Variants in TRDN observed in about 807,000 individuals in gnomAD.
TRDN encodes triadin in skeletal muscle.
Under a neutral mutation model 149.7 loss-of-function variants are expected in TRDN, and 161 were observed. The ratio of observed to expected loss-of-function variants is 1.08; its 90% CI spans 0.95 to 1.23. The LOEUF (loss-of-function observed/expected upper bound fraction) is 1.23. TRDN is among the 50% of genes most tolerant of loss of function. The probability of loss-of-function intolerance (pLI) is 0.00; values close to 1 mark genes in which losing one functional copy is unlikely to be tolerated. For synonymous variants in TRDN, 294 were observed against 250.5 expected (o/e 1.17, Z -1.64); for missense variants, 896 against 823.5 (o/e 1.09, Z -1.08).
chr6:123,538,208 C>A (rs996153299), intron 4 of TRDN, among the ~76,000 whole-genome samples: 3 of 152,082 alleles, frequency 2.0e-5, no homozygotes, highest in Non-Finnish European at 4.4e-5. Flanking sequence ...TGCCTTCTTA[C>A]ATTATTTCCC....
intron 38 of TRDN, 83 bp from the exon 39 acceptor site, chr6:123,224,214 A>G: frequency 7.6e-7 from 1 of 1,317,024 alleles, no homozygotes. Context: ...AAGGTTTTTA[A>G]GAGTCACAAG....
rs1364850871 is a variant in TRDN at position 123,618,167 on chromosome 6, A to G, written c.22+18587T>C. Among the ~76,000 whole-genome samples, 4 of 152,300 alleles carry G rather than the reference A, an allele frequency of 2.6e-5. No homozygotes were observed. The East Asian group carries it at 7.7e-4, about 29-fold the overall frequency. On this transcript the variant is annotated intron_variant, in intron 1 of 40. Transcript: ENST00000334268. ...GTATATTAGTTTTCTACTGCACCAT[A>G]ACATAGTACCACAAATTTAACACAA...
At chr6:123,451,095 A>T (rs1408612568) in intron 10 of TRDN, among the ~76,000 whole-genome samples, 1 of 152,098 alleles carries the variant, frequency 6.6e-6, no homozygotes, top group African/African-American at 2.4e-5. Context: ...GGATTCAGCA[A>T]AGGCAGTGCT....
intron 12 of TRDN, among the ~76,000 whole-genome samples, chr6:123,410,849 T>C (rs1773404703): frequency 6.6e-6 from 1 of 152,030 alleles, no homozygotes; most frequent in Admixed American, 6.6e-5. Flanking sequence ...AATATATTTC[T>C]AAATTTTGCT....
At chr6:123,222,293 G>C (rs181160735) in intron 39 of TRDN, among the ~76,000 whole-genome samples, 1 of 151,346 alleles carries the variant, frequency 6.6e-6, no homozygotes, top group Non-Finnish European at 1.5e-5. Context: ...GTTCTAGAGC[G>C]GTTCCCCTCA....
At chr6:123,510,802 C>T (rs1779144347) in intron 7 of TRDN, among the ~76,000 whole-genome samples, 1 of 152,044 alleles carries the variant, frequency 6.6e-6, no homozygotes, top group Admixed American at 6.6e-5. Flanking sequence ...TGCCACCACA[C>T]CTGGCTAATT....
At chr6:123,220,640 A>G (rs1775113241) in intron 40 of TRDN, among the ~76,000 whole-genome samples, 1 of 151,790 alleles carries the variant, frequency 6.6e-6, no homozygotes. Context: ...GTAGGCATTC[A>G]GTATCTGTCT....
Position 123,606,003 on chromosome 6 carries a change from A to G in TRDN, c.22+30751T>C, listed in dbSNP as rs148889465. On this transcript the variant is annotated intron_variant, in intron 1 of 40. Coordinates refer to ENST00000334268, the MANE Select transcript of TRDN (RefSeq NM_006073.4). ...GCCAATGATCATTATTGGAAAATCA[A>G]TCCTTTCAAATGTGTGCTCATTCAA... Among the ~76,000 whole-genome samples the G allele has an allele frequency of 1.7e-3, 259 of 152,254 alleles. 1 individual carries two copies. Among genetic ancestry groups the G allele is most frequent in the African/African-American group, 5.1e-3 (210 of 41,566 alleles).
rs574789462 is a variant in TRDN at position 123,401,928 on chromosome 6, C to T, written c.1052-8251G>A. Among the ~76,000 whole-genome samples the T allele has an allele frequency of 8.8e-4, 127 of 143,600 alleles. 1 individual carries two copies. The highest frequency in any genetic ancestry group is 3.8e-3 in the Middle Eastern group (1 of 264). 94.2% of individuals were successfully genotyped at this position (143,600 alleles called of 152,430 possible). ...CGCCACTGCACTCCAGCCTGGGTAA[C>T]GGAGCGAGACTCCAACTCAAAAAGA... On this transcript the variant is annotated intron_variant, in intron 12 of 40. Transcript: ENST00000334268.
chr6:123,339,038 T>C (rs1343288224), intron 21 of TRDN, among the ~76,000 whole-genome samples: 1 of 151,968 alleles, frequency 6.6e-6, no homozygotes, highest in African/African-American at 2.4e-5. Context: ...TTTGTTTTTT[T>C]TGTCTTGCTT....
intron 9 of TRDN, among the ~76,000 whole-genome samples, chr6:123,465,873 A>T (rs903874806): frequency 6.6e-6 from 1 of 152,220 alleles, no homozygotes; most frequent in Non-Finnish European, 1.5e-5. Context: ...ATCAAATGTC[A>T]GCAGACCTGC....
chr6:123,282,713 C>T (rs1057268309), intron 24 of TRDN, among the ~76,000 whole-genome samples: 1 of 146,744 alleles, frequency 6.8e-6, no homozygotes, highest in Non-Finnish European at 1.5e-5. Flanking sequence ...TTAATTATGT[C>T]ACAGAAACTG....
At chr6:123,625,943 T>C (rs574708078) in intron 1 of TRDN, among the ~76,000 whole-genome samples, 2 of 152,276 alleles carry the variant, frequency 1.3e-5, no homozygotes, top group South Asian at 4.1e-4. Flanking sequence ...GCCACATCGA[T>C]GGACTCCACA....
chr6:123,505,316 T>C (rs1224978070), intron 7 of TRDN, among the ~76,000 whole-genome samples: 2 of 145,960 alleles, frequency 1.4e-5, no homozygotes, highest in Non-Finnish European at 3.0e-5. Flanking sequence ...TTTGGTACCC[T>C]AAATGATGAT....
intron 24 of TRDN, among the ~76,000 whole-genome samples, chr6:123,315,344 A>C (rs1778985618): frequency 6.6e-6 from 1 of 151,936 alleles, no homozygotes; most frequent in African/African-American, 2.4e-5. Context: ...AAAATTGTTC[A>C]ACTTTTCATT....
chr6:123,290,397 C>T (rs1020934085), intron 24 of TRDN, among the ~76,000 whole-genome samples: 1 of 152,034 alleles, frequency 6.6e-6, no homozygotes, highest in Non-Finnish European at 1.5e-5. Flanking sequence ...AAAGAGCACT[C>T]ATAAATTAAA....
chr6:123,269,312 G>A (rs1777122875), intron 31 of TRDN, among the ~76,000 whole-genome samples: 1 of 151,902 alleles, frequency 6.6e-6, no homozygotes, highest in Non-Finnish European at 1.5e-5. Flanking sequence ...TGGACAAATG[G>A]CAAAATGTTT....
chr6:123,489,702 T>C (rs574659873), intron 9 of TRDN: 5 of 152,202 alleles, frequency 3.3e-5, no homozygotes, highest in East Asian at 1.9e-4. Context: ...TACTCATCAA[T>C]CGTTCCTAAC....
chr6:123,514,161 A>T (rs4520031), intron 6 of TRDN, among the ~76,000 whole-genome samples: 129,445 of 152,078 alleles, frequency 0.85, 55,189 homozygotes, highest in East Asian at 0.98. Context: ...GTTCAGGAGT[A>T]TGAGACCAGC....
Sources: allele counts gnomAD v4.1 joint callset (sites outside exome capture counted in the v4.1 genomes callset), GRCh38; gene constraint gnomAD v4.1.1; transcripts MANE v1.5; gene names NCBI Gene and HGNC (gene_info 2026-07-23, HGNC 2026-07-21).